Variants in MCTP1 observed in about 807,000 individuals in gnomAD.
The protein encoded by MCTP1 is multiple C2 and transmembrane domain containing 1.
In MCTP1, 69 loss-of-function variants were observed where a neutral mutation model predicts 120.6. The observed-to-expected ratio is 0.57, with a 90% CI of 0.47 to 0.70. The LOEUF is 0.70. Among genes scored for constraint, MCTP1 ranks in the 30% least tolerant of loss-of-function variants. The pLI, the probability that MCTP1 is intolerant of heterozygous loss-of-function variation, is 0.00. For synonymous variants in MCTP1, 529 were observed against 493.1 expected (o/e 1.07, Z -0.96); for missense variants, 1,203 against 1,248.8 (o/e 0.96, Z 0.55).
rs1255004208 is a variant in MCTP1, at chr5:94,954,191, T to TAC, written c.839-831_839-830insGT. ...ATACATATATATATATGCATATATA[T>TAC]ATATATATATATATGCCATGGAATA... On this transcript the variant is annotated intron_variant, in intron 2 of 22. Coordinates refer to ENST00000515393, the MANE Select transcript of MCTP1 (RefSeq NM_024717.7). 6.0e-4 allele frequency among the ~76,000 whole-genome samples: 80 copies of TAC among 132,882 alleles called. 14 individuals are homozygous for TAC. Among genetic ancestry groups the TAC allele is most frequent in the Middle Eastern group, 3.6e-3 (1 of 276 alleles). 87.2% of individuals were successfully genotyped at this position (132,882 alleles called of 152,430 possible). A position where few individuals can be genotyped will look rare whatever the true frequency, so the allele number is the denominator to read the frequency against.
chr5:94,816,511 A>G (rs560019396), intron 17 of MCTP1, among the ~76,000 whole-genome samples: 1 of 152,164 alleles, frequency 6.6e-6, no homozygotes, highest in Non-Finnish European at 1.5e-5. Context: ...ATTAAATATG[A>G]AGCTGGATTT....
At chr5:94,913,008 T>A (rs561130295) in intron 8 of MCTP1, 32 bp from the exon 9 acceptor site, 16 of 1,570,982 alleles carry the variant, frequency 1.0e-5, no homozygotes, top group Non-Finnish European at 1.4e-5. Flanking sequence ...GTTAGGTTAC[T>A]GTGTTTTAAA....
chr5:95,163,857 G>A (rs576276632), intron 1 of MCTP1, among the ~76,000 whole-genome samples: 1 of 152,120 alleles, frequency 6.6e-6, no homozygotes, highest in African/African-American at 2.4e-5. Flanking sequence ...AATGATGGTT[G>A]AAAATCACAT....
chr5:95,211,865 C>G (rs1437321572), intron 1 of MCTP1, among the ~76,000 whole-genome samples: 2 of 152,082 alleles, frequency 1.3e-5, no homozygotes, highest in African/African-American at 4.8e-5. Flanking sequence ...TGTGGATGTC[C>G]TTTCTGTTTG....
At chr5:95,281,397 AG>A (rs1293401412) in intron 1 of MCTP1, among the ~76,000 whole-genome samples, 1 of 152,188 alleles carries the variant, frequency 6.6e-6, no homozygotes, top group African/African-American at 2.4e-5. Context: ...ATGGGCAGAG[AG>A]GTATTTCCAG....
chr5:95,172,335 G>A (rs1296344714), intron 1 of MCTP1, among the ~76,000 whole-genome samples: 2 of 152,236 alleles, frequency 1.3e-5, no homozygotes, highest in Non-Finnish European at 2.9e-5. Flanking sequence ...ATGCCTCCCA[G>A]TTAGGCTACT....
At chr5:95,235,040 T>A (rs1378192942) in intron 1 of MCTP1, among the ~76,000 whole-genome samples, 1 of 151,960 alleles carries the variant, frequency 6.6e-6, no homozygotes, top group Non-Finnish European at 1.5e-5. Flanking sequence ...TATAGACCAA[T>A]ATAGCTCATG....
chr5:95,247,424 C>T (rs932173339), intron 1 of MCTP1, among the ~76,000 whole-genome samples: 1 of 151,988 alleles, frequency 6.6e-6, no homozygotes. Flanking sequence ...TTATTCCTTG[C>T]TTCTGCTAGC....
chr5:95,058,334 T>A (rs1478937539), intron 1 of MCTP1, among the ~76,000 whole-genome samples: 3 of 152,240 alleles, frequency 2.0e-5, no homozygotes, highest in Admixed American at 6.5e-5. Context: ...AACATTTAAA[T>A]GGATTCACAT....
At chr5:94,895,963 G>A (rs565178553) in intron 10 of MCTP1, among the ~76,000 whole-genome samples, 2 of 152,270 alleles carry the variant, frequency 1.3e-5, no homozygotes, top group South Asian at 2.1e-4. Context: ...GTACTTAAAT[G>A]CTAACTCCTG....
At chr5:95,150,558 C>T (rs1276357477) in intron 1 of MCTP1, among the ~76,000 whole-genome samples, 1 of 152,080 alleles carries the variant, frequency 6.6e-6, no homozygotes, top group Non-Finnish European at 1.5e-5. Context: ...TTAAAATTAA[C>T]AACAACAAAA....
intron 2 of MCTP1, among the ~76,000 whole-genome samples, chr5:94,974,593 T>C (rs1478544315): frequency 1.3e-5 from 2 of 152,062 alleles, no homozygotes; most frequent in African/African-American, 4.8e-5. Context: ...GTAGTAATTA[T>C]TATTTTCAGA....
At chr5:95,172,043 T>C (rs1747374277) in intron 1 of MCTP1, among the ~76,000 whole-genome samples, 1 of 152,228 alleles carries the variant, frequency 6.6e-6, no homozygotes, top group Non-Finnish European at 1.5e-5. Flanking sequence ...TGTAGTTTTA[T>C]CTACCTTTGA....
chr5:95,254,743 T>C (rs1757709394), intron 1 of MCTP1, among the ~76,000 whole-genome samples: 2 of 152,194 alleles, frequency 1.3e-5, no homozygotes, highest in South Asian at 4.1e-4. Context: ...TATATAGATA[T>C]ACTAGAGGCA....
chr5:94,765,033 A>G lies in MCTP1; in HGVS notation c.2610+14077T>C, dbSNP rs75284501. 7.2e-3 allele frequency among the ~76,000 whole-genome samples: 1,096 copies of G among 152,168 alleles called. 10 individuals are homozygous for G. The highest frequency in any genetic ancestry group is 0.025 in the African/African-American group (1,049 of 41,516). On this transcript the variant is annotated intron_variant, in intron 19 of 22. Coordinates refer to ENST00000515393, the MANE Select transcript of MCTP1 (RefSeq NM_024717.7). ...CTCAACACATTTCACAAGATCTGAA[A>G]CCATATGAAGTATCTTCTCAGGCCC...
At chr5:94,725,466 TTG>T (rs1272978540) in intron 19 of MCTP1, among the ~76,000 whole-genome samples, 3 of 152,206 alleles carry the variant, frequency 2.0e-5, no homozygotes, top group South Asian at 2.1e-4. Flanking sequence ...GCTAGGTTTT[TTG>T]TGTGTGTTTC....
rs551171783 is a variant in MCTP1, at chr5:95,061,353, TG to T, written c.721-43870del. Among the ~76,000 whole-genome samples the T allele has an allele frequency of 2.1e-4, 31 of 150,426 alleles. 1 individual carries two copies. In the East Asian group the frequency reaches 3.1e-3, roughly 15 times the overall value. ...TTAGTAAAAAGATTGTCTTTATACA[TG>T]TTTTTTTTTGTTTTCAATGTACTTT... On this transcript the variant is annotated intron_variant, in intron 1 of 22. Coordinates refer to ENST00000515393, the MANE Select transcript of MCTP1 (RefSeq NM_024717.7).
At chr5:94,837,761 G>C (rs536996079) in intron 17 of MCTP1, among the ~76,000 whole-genome samples, 2 of 152,148 alleles carry the variant, frequency 1.3e-5, no homozygotes, top group South Asian at 4.1e-4. Context: ...AGACGGGGGC[G>C]CTGGTTAATT....
chr5:94,711,522 G>GC (rs2152540170), intron 20 of MCTP1, among the ~76,000 whole-genome samples: 1 of 152,176 alleles, frequency 6.6e-6, no homozygotes, highest in South Asian at 2.1e-4. Context: ...ACCTCTTACT[G>GC]CCCTTCTTCC....
Sources: gnomAD v4.1 joint callset for allele counts (sites outside exome capture counted in the v4.1 genomes callset) on GRCh38, gnomAD v4.1.1 for gene constraint, MANE v1.5 for transcripts, NCBI Gene and HGNC (gene_info 2026-07-23, HGNC 2026-07-21) for gene names.